The following DST variants were observed in gnomAD, a reference collection of about 807,000 sequenced individuals.
The protein encoded by DST is bullous pemphigoid antigen.
In DST, 253 loss-of-function variants were observed where a neutral mutation model predicts 875.2. The observed-to-expected ratio is 0.29, with a 90% CI of 0.26 to 0.32. The LOEUF is 0.32. Among genes scored for constraint, DST ranks in the 10% least tolerant of loss-of-function variants. DST has a pLI of 1.00. For synonymous variants in DST, 3,124 were observed against 3,197.1 expected, an observed-to-expected ratio of 0.98 and a Z score of 0.77; for missense variants, 8,287 against 9,111.6, an observed-to-expected ratio of 0.91 and a Z score of 3.68.
chr6:56,557,912 A>G (rs1168352071), intron 58 of DST, among the ~76,000 whole-genome samples: 1 of 152,122 alleles, frequency 6.6e-6, no homozygotes, highest in Admixed American at 6.6e-5. Context: ...ATTGCTCCCA[A>G]ATTTGTATAT....
chr6:56,477,073 A>T lies in DST; in HGVS notation c.21675+272T>A, dbSNP rs114901422. Among the ~76,000 whole-genome samples, 154 of 152,352 alleles carry T rather than the reference A, an allele frequency of 1.0e-3. 1 individual carries two copies. The highest frequency in any genetic ancestry group is 3.6e-3 in the African/African-American group (148 of 41,588). The stretch of plus-strand genomic sequence containing the variant: ...TCCAACTGCTGGATTATTCAACAGA[A>T]ACAATGTGGAAGGAGGCCAAAATGT... On this transcript the variant is annotated intron_variant, in intron 91 of 103. Transcript: ENST00000680361.
intron 4 of DST, among the ~76,000 whole-genome samples, chr6:56,781,686 C>T (rs550276713): frequency 6.6e-6 from 1 of 152,306 alleles, no homozygotes; most frequent in East Asian, 1.9e-4. Context: ...AATTTGACTT[C>T]CTCCTTTCCT....
At chr6:56,515,046 A>G (rs1302814208) in intron 72 of DST, among the ~76,000 whole-genome samples, 3 of 152,174 alleles carry the variant, frequency 2.0e-5, no homozygotes, top group Admixed American at 6.5e-5. Flanking sequence ...TCCAAACTCA[A>G]TGGCCTTGTC....
At chr6:56,915,529 T>C (rs781119807) in intron 2 of DST, among the ~76,000 whole-genome samples, 6 of 151,380 alleles carry the variant, frequency 4.0e-5, no homozygotes, top group Admixed American at 2.0e-4. Flanking sequence ...CCACTGAGTG[T>C]GCAGCACAAA....
chr6:56,713,757 T>C (rs1434916946), intron 5 of DST, among the ~76,000 whole-genome samples: 1 of 152,212 alleles, frequency 6.6e-6, no homozygotes, highest in Non-Finnish European at 1.5e-5. Flanking sequence ...GGTTGCTTCA[T>C]CTCTTTTTTT....
At chr6:56,460,298 T>A in intron 102 of DST, 44 bp from the exon 103 acceptor site, 1 of 1,607,774 alleles carries the variant, frequency 6.2e-7, no homozygotes, top group Non-Finnish European at 8.5e-7. Flanking sequence ...ATTGCTCCTG[T>A]ACCATGATAT....
chr6:56,875,157 T>G (rs968675246), intron 3 of DST, among the ~76,000 whole-genome samples: 1 of 152,082 alleles, frequency 6.6e-6, no homozygotes, highest in Non-Finnish European at 1.5e-5. Flanking sequence ...CTAATTTTTT[T>G]GTATTTTTAA....
At chr6:56,907,771 T>G (rs1712800297) in intron 2 of DST, among the ~76,000 whole-genome samples, 1 of 152,216 alleles carries the variant, frequency 6.6e-6, no homozygotes, top group South Asian at 2.1e-4. Flanking sequence ...AATAACATTT[T>G]TAGGTAAGCA....
chr6:56,501,625 C>G lies in DST; in HGVS notation c.19635G>C (p.Leu6545Phe), dbSNP rs1264175513. The G allele has an allele frequency of 6.2e-7, 1 of 1,609,124 alleles. No homozygotes were observed. The highest frequency in any genetic ancestry group is 2.2e-5 in the East Asian group (1 of 44,454). Residue 6545 changes from leucine to phenylalanine, a missense_variant, in exon 79 of 104, where the codon TTG becomes TTC. Physicochemically the swap from Leu to Phe is conservative, Grantham distance 22. Coordinates refer to ENST00000680361, the MANE Select transcript of DST (RefSeq NM_001374736.1). ...MERLNHQAELLLKKVTEESDK... is the reference protein window; with the variant it reads ...MERLNHQAELFLKKVTEESDK... Reference sequence around the variant, plus strand: ...CACTCTCTTCTGTTACTTTCTTTAGCAAAAGCTCTGCTTGATGATTCAGTC... The same window carrying G: ...CACTCTCTTCTGTTACTTTCTTTAGGAAAAGCTCTGCTTGATGATTCAGTC...
intron 10 of DST, among the ~76,000 whole-genome samples, chr6:56,657,410 A>G (rs1317977213): frequency 6.6e-6 from 1 of 152,178 alleles, no homozygotes; most frequent in African/African-American, 2.4e-5. Flanking sequence ...CCTGGAAAAG[A>G]TAGCATTTGG....
chr6:56,612,171 G>C (rs180720615), intron 37 of DST, among the ~76,000 whole-genome samples: 3 of 152,268 alleles, frequency 2.0e-5, no homozygotes. Context: ...AGGCGTTTGA[G>C]ACCAGCCTGA....
chr6:56,506,629 C>CT, intron 76 of DST, 38 bp downstream of exon 76: 1 of 1,611,516 alleles, frequency 6.2e-7, no homozygotes, highest in Non-Finnish European at 8.5e-7. Flanking sequence ...TAACTAAAAA[C>CT]TTTTTAAAAG....
At chr6:56,647,425 C>G (rs990251033) in intron 13 of DST, among the ~76,000 whole-genome samples, 20 of 152,168 alleles carry the variant, frequency 1.3e-4, no homozygotes, top group African/African-American at 4.3e-4. Flanking sequence ...AGAATGAAAG[C>G]TGTTCTACAG....
intron 2 of DST, among the ~76,000 whole-genome samples, chr6:56,941,472 T>C (rs1592751947): frequency 6.6e-6 from 1 of 151,910 alleles, no homozygotes; most frequent in Admixed American, 6.5e-5. Context: ...AGTATGGTGT[T>C]TCTTTACAAA....
chr6:56,895,264 G>A (rs1232800991), intron 3 of DST, among the ~76,000 whole-genome samples: 1 of 44,238 alleles, frequency 2.3e-5, no homozygotes, highest in African/African-American at 1.9e-4. Flanking sequence ...CTTCTCAGAC[G>A]GGGCGGTTGC....
rs1242281739 is a variant in DST at position 56,573,865 on chromosome 6, C to T, written c.13050G>A (p.Glu4350=). 4 of 1,612,752 alleles carry T rather than the reference C, an allele frequency of 2.5e-6. No individual in the cohort carries two copies. Among genetic ancestry groups the T allele is most frequent in the Non-Finnish European group, 3.4e-6 (4 of 1,179,278 alleles). The change falls in exon 51 of 104, where the codon GAG becomes GAA. Residue 4350 remains glutamate (E), a synonymous_variant. Coordinates refer to ENST00000680361, the MANE Select transcript of DST (RefSeq NM_001374736.1). Reference sequence around the variant, plus strand: ...GTTCATTAACAGACTTGGACAGATCCTCATATCTCCCAACAATGTCATCTA... The same window carrying T: ...GTTCATTAACAGACTTGGACAGATCTTCATATCTCCCAACAATGTCATCTA... The part of the protein sequence containing the change: ...KTLDDIVGRY[E]DLSKSVNERN...
At chr6:56,477,543 T>C in intron 90 of DST, 55 bp from the exon 91 acceptor site, 14 of 1,602,732 alleles carry the variant, frequency 8.7e-6, no homozygotes, top group Non-Finnish European at 1.1e-5. Flanking sequence ...AAAACAAAAC[T>C]CTGGTGGCAT....
At position 56,527,678 on chromosome 6, in the gene DST, C is replaced by G; in HGVS notation, c.17737G>C (p.Asp5913His). Residue 5913 changes from aspartate (D) to histidine (H), a missense_variant, in exon 68 of 104, where the codon GAC becomes CAC. Around this residue, in one of 10 missense-constraint regions of DST, gnomAD observed 777 missense variants for 764.8 expected, o/e 1.02. Coordinates refer to ENST00000680361, the MANE Select transcript of DST (RefSeq NM_001374736.1). ...ACATCAGTGCTCAGTTTAGTAATGT[C>G]TTTGTACCTTGCTTTAATGGCTTCC... ...KLEAIKARYK[D>H]ITKLSTDVAK... 6.2e-7 allele frequency: 1 copy of G among 1,613,020 alleles called. No homozygotes were observed. The highest frequency in any genetic ancestry group is 8.5e-7 in the Non-Finnish European group (1 of 1,179,456).
chr6:56,621,101 G>A (rs1028644496), intron 36 of DST, among the ~76,000 whole-genome samples: 4 of 152,262 alleles, frequency 2.6e-5, no homozygotes, highest in East Asian at 1.9e-4. Flanking sequence ...CTCTCACGAC[G>A]GTGCCCTTTC....
Sources: gnomAD v4.1 joint callset for allele counts (sites outside exome capture counted in the v4.1 genomes callset) on GRCh38, gnomAD v4.1.1 for gene constraint, gnomAD v4.1.1 regional missense constraint, MANE v1.5 for transcripts, NCBI Gene and HGNC (gene_info 2026-07-23, HGNC 2026-07-21) for gene names.